GSE1: variants seen among roughly 807,000 people sequenced by gnomAD.
GSE1 encodes Gse1 coiled-coil protein.
In GSE1, 32 loss-of-function variants were observed where a neutral mutation model predicts 112.6. That is an observed-to-expected ratio of 0.28 (90% CI 0.21 to 0.38). GSE1 has a LOEUF of 0.38. Among genes scored for constraint, GSE1 ranks in the 10% least tolerant of loss-of-function variants. The pLI is 1.00. For synonymous variants in GSE1, 1,115 were observed against 735.6 expected (o/e 1.52, Z -8.35); for missense variants, 2,348 against 1,699.2 (o/e 1.38, Z -6.71).
chr16:85,212,436 GGTAGAAT>G (rs1486816212), intron 1 of GSE1, among the ~76,000 whole-genome samples: 1 of 152,030 alleles, frequency 6.6e-6, no homozygotes, highest in Non-Finnish European at 1.5e-5. Flanking sequence ...ACAAACCTGG[GGTAGAAT>G]GGTTTGGGTA....
At chr16:85,617,742 T>TG (rs1045487017) in intron 1 of GSE1, among the ~76,000 whole-genome samples, 22 of 152,028 alleles carry the variant, frequency 1.4e-4, no homozygotes, top group African/African-American at 5.3e-4. Flanking sequence ...GGCCTTCTGC[T>TG]GGGGGGAGCA....
At chr16:85,234,506 C>T (rs560435476) in intron 1 of GSE1, among the ~76,000 whole-genome samples, 2 of 152,292 alleles carry the variant, frequency 1.3e-5, no homozygotes, top group South Asian at 2.1e-4. Flanking sequence ...TTAGGTGGGG[C>T]GGGGTGGCTC....
intron 1 of GSE1, among the ~76,000 whole-genome samples, chr16:85,354,696 G>T (rs2046915758): frequency 6.6e-6 from 1 of 152,250 alleles, no homozygotes; most frequent in Non-Finnish European, 1.5e-5. Context: ...CTTGAATGCA[G>T]ATGCGGCCCA....
rs1049868 is a variant in GSE1 at position 85,673,027 on chromosome 16, T to C, written c.*488T>C. ...CTTCAGCTGAAAAGGTTGGGTGCAT[T>C]GTCAGTAAAAAGGGCTTATTTGTTT... On this transcript the variant is annotated 3_prime_UTR_variant, in exon 16 of 16. Transcript: ENST00000253458. 43,052 of 152,174 alleles carry C rather than the reference T, an allele frequency of 0.28. 6,209 individuals are homozygous for C. The highest frequency in any genetic ancestry group is 0.4 in the East Asian group (2,070 of 5,172). The allele number at this position is 152,174 out of a possible 1,614,324, so 9.4% of individuals were successfully genotyped here. A position where few individuals can be genotyped will look rare whatever the true frequency, so the allele number is the denominator to read the frequency against.
chr16:85,501,483 C>A (rs2051365719), intron 2 of GSE1, among the ~76,000 whole-genome samples: 1 of 150,714 alleles, frequency 6.6e-6, no homozygotes, highest in Non-Finnish European at 1.5e-5. Flanking sequence ...AGCTTCAACT[C>A]CTGGGTTCAA....
chr16:85,377,947 C>T (rs2047456746), intron 2 of GSE1, among the ~76,000 whole-genome samples: 1 of 152,258 alleles, frequency 6.6e-6, no homozygotes, highest in Non-Finnish European at 1.5e-5. Flanking sequence ...TCAGCCTTAT[C>T]TTGGCCTTCT....
At chr16:85,475,641 G>A (rs1198342641) in intron 2 of GSE1, among the ~76,000 whole-genome samples, 1 of 152,208 alleles carries the variant, frequency 6.6e-6, no homozygotes, top group Non-Finnish European at 1.5e-5. Flanking sequence ...CTAGTGACAG[G>A]GCCTCTGTCC....
intron 2 of GSE1, among the ~76,000 whole-genome samples, chr16:85,387,752 C>T (rs1191513313): frequency 1.3e-5 from 2 of 152,234 alleles, no homozygotes; most frequent in African/African-American, 4.8e-5. Context: ...GTCACCAGAA[C>T]ACATTAGTGA....
intron 1 of GSE1, among the ~76,000 whole-genome samples, chr16:85,271,893 A>G (rs1196724178): frequency 6.6e-6 from 1 of 152,136 alleles, no homozygotes; most frequent in Non-Finnish European, 1.5e-5. Context: ...GCAGCCGGAG[A>G]CCCCAGGGCT....
Position 85,673,981 on chromosome 16 carries a change from CAG to C in GSE1, c.*1444_*1445del, listed in dbSNP as rs2053540002. The C allele has an allele frequency of 6.6e-6, 1 of 152,278 alleles. No individual in the cohort carries two copies. Among genetic ancestry groups the C allele is most frequent in the Non-Finnish European group, 1.5e-5 (1 of 68,060 alleles). The allele number at this position is 152,278 out of a possible 1,614,324, so 9.4% of individuals were successfully genotyped here. A position where few individuals can be genotyped will look rare whatever the true frequency, so the allele number is the denominator to read the frequency against. ...TTACTGTGACAAGCACAGGAACGGT[CAG>C]AAACTGGGCTCATCACACCAAGGCA... On this transcript the variant is annotated 3_prime_UTR_variant, in exon 16 of 16. Coordinates refer to ENST00000253458, the MANE Select transcript of GSE1 (RefSeq NM_014615.5).
At chr16:85,309,290 A>C (rs577682648) in intron 1 of GSE1, among the ~76,000 whole-genome samples, 22 of 152,126 alleles carry the variant, frequency 1.4e-4, no homozygotes, top group Non-Finnish European at 2.8e-4. Context: ...TGAAGCCAGG[A>C]GTTTGAGAAC....
chr16:85,526,074 C>G (rs1304232978), intron 2 of GSE1, among the ~76,000 whole-genome samples: 1 of 152,318 alleles, frequency 6.6e-6, no homozygotes, highest in East Asian at 1.9e-4. Context: ...TGGGTGCAGA[C>G]AGTCCCCACC....
At chr16:85,637,464 C>T (rs946837579) in intron 2 of GSE1, among the ~76,000 whole-genome samples, 6 of 152,086 alleles carry the variant, frequency 3.9e-5, no homozygotes, top group African/African-American at 1.4e-4. Flanking sequence ...AGTGGCTGTG[C>T]CCCCTTGATT....
rs528543138 is a variant in GSE1 at position 85,189,009 on chromosome 16, A to G, written c.2283+17202A>G. Among the ~76,000 whole-genome samples the G allele has an allele frequency of 3.3e-5, 5 of 152,306 alleles. No homozygotes were observed. In the East Asian group the frequency reaches 5.8e-4, roughly 18 times the overall value. The stretch of plus-strand genomic sequence containing the variant: ...ACATGTGACTCCCAGAATGTAAACA[A>G]CCATTGTTATAGACACATTTCCCTG... On this transcript the variant is annotated intron_variant, in intron 1 of 2. Transcript: ENST00000637419.
intron 1 of GSE1, among the ~76,000 whole-genome samples, chr16:85,241,045 G>A (rs1905125346): frequency 6.6e-6 from 1 of 152,190 alleles, no homozygotes; most frequent in African/African-American, 2.4e-5. Context: ...TTCCATGGAT[G>A]CCTGTCATGG....
intron 1 of GSE1, among the ~76,000 whole-genome samples, chr16:85,315,124 C>A (rs2045960036): frequency 7.1e-6 from 1 of 140,426 alleles, no homozygotes; most frequent in Non-Finnish European, 1.6e-5. Context: ...ACACAGTGGG[C>A]CTTAACATCT....
At chr16:85,384,420 C>T (rs2047639516) in intron 2 of GSE1, among the ~76,000 whole-genome samples, 2 of 152,242 alleles carry the variant, frequency 1.3e-5, no homozygotes, top group Admixed American at 6.5e-5. Flanking sequence ...CTCTCAACCT[C>T]TCTGAGCTTT....
intron 3 of GSE1, 55 bp downstream of exon 3, chr16:85,648,806 A>T (rs1015858411): frequency 1.8e-5 from 19 of 1,066,052 alleles, no homozygotes; most frequent in Non-Finnish European, 2.2e-5. Context: ...GGCTGGATTC[A>T]GGCATCCATT....
At chr16:85,513,622 C>G (rs1431812893) in intron 2 of GSE1, among the ~76,000 whole-genome samples, 2 of 152,206 alleles carry the variant, frequency 1.3e-5, no homozygotes, top group Non-Finnish European at 2.9e-5. Flanking sequence ...TTGGGGGAAT[C>G]TGCTGCCTCC....
Sources: allele counts gnomAD v4.1 joint callset (sites outside exome capture counted in the v4.1 genomes callset), GRCh38; gene constraint gnomAD v4.1.1; transcripts MANE v1.5; gene names NCBI Gene and HGNC (gene_info 2026-07-23, HGNC 2026-07-21).